C16orf86: variants seen among roughly 807,000 people sequenced by gnomAD.
C16orf86 encodes chromosome 16 open reading frame 86.
In C16orf86, 19 loss-of-function variants were observed where a neutral mutation model predicts 21.5. That is an observed-to-expected ratio of 0.88 (90% CI 0.62 to 1.30). The LOEUF is 1.30. Among genes scored for constraint, C16orf86 ranks in the 50% most tolerant of loss-of-function variants. The probability of loss-of-function intolerance (pLI) is 0.00; values close to 1 mark genes in which losing one functional copy is unlikely to be tolerated. For synonymous variants in C16orf86, 188 were observed against 183.5 expected (o/e 1.02, Z -0.20); for missense variants, 391 against 415.8 (o/e 0.94, Z 0.52).
At position 67,668,713 on chromosome 16, in the gene C16orf86, G is replaced by T; in HGVS notation, c.*113G>T. The T allele has an allele frequency of 1.2e-6, 1 of 802,198 alleles. No individual in the cohort carries two copies. 49.7% of individuals were successfully genotyped at this position (802,198 alleles called of 1,614,324 possible). On this transcript the variant is annotated 3_prime_UTR_variant, in exon 4 of 4. Transcript: ENST00000403458. ...GCAAATTTGGCACCTGCCCCCACTTGGGACTTTGGTCTTGCTGAAAATAAA... is the reference window on the plus strand; with the variant it reads ...GCAAATTTGGCACCTGCCCCCACTTTGGACTTTGGTCTTGCTGAAAATAAA...
intron 3 of C16orf86, 48 bp from the exon 4 acceptor site, chr16:67,668,152 T>A: frequency 6.3e-7 from 1 of 1,590,210 alleles, no homozygotes; most frequent in Non-Finnish European, 8.6e-7. Flanking sequence ...GGGCCCGACA[T>A]GGCACAACCT....
chr16:67,667,390 C>G lies in C16orf86; in HGVS notation c.197C>G (p.Ser66Trp). 6.2e-7 allele frequency: 1 copy of G among 1,612,620 alleles called. No homozygotes were observed. The highest frequency in any genetic ancestry group is 8.5e-7 in the Non-Finnish European group (1 of 1,179,844). The change falls in exon 2 of 4, where the codon TCG becomes TGG. Residue 66 changes from serine to tryptophan, a missense_variant. Ser to Trp is a radical substitution (Grantham distance 177, BLOSUM62 -3). Coordinates refer to ENST00000403458, the MANE Select transcript of C16orf86 (RefSeq NM_001012984.3). ...DQRPAGAASE[S>W]ELQEEGPKLG... ...CGCCCAGCAGGCGCAGCTTCGGAGT[C>G]GGAGCTCCAGGAGGAAGGACCCAAG...
chr16:67,666,932 C>T lies in C16orf86; in HGVS notation c.-39C>T. On this transcript the variant is annotated 5_prime_UTR_variant, in exon 1 of 4. Transcript: ENST00000403458. ...CACCATCCAGCCCCTTGGGGCCCGC[C>T]CCAAGCAGCTGTCGAGGACGCACTC... 1.5e-6 allele frequency: 2 copies of T among 1,362,446 alleles called. No individual in the cohort carries two copies. Among genetic ancestry groups the T allele is most frequent in the East Asian group, 2.7e-5 (1 of 36,938 alleles). The allele number at this position is 1,362,446 out of a possible 1,614,324, so 84.4% of individuals were successfully genotyped here.
At chr16:67,667,254 T>C (rs1221103145) in intron 1 of C16orf86, 42 bp from the exon 2 acceptor site, 2 of 1,585,422 alleles carry the variant, frequency 1.3e-6, no homozygotes, top group Admixed American at 1.7e-5. Flanking sequence ...CCTATGTCCT[T>C]TGCCCGGCCA....
Position 67,667,371 on chromosome 16 carries a change from G to A in C16orf86, c.178G>A (p.Ala60Thr), listed in dbSNP as rs1399162613. 1 of 1,612,666 alleles carries A rather than the reference G, an allele frequency of 6.2e-7. No homozygotes were observed. Among genetic ancestry groups the A allele is most frequent in the Admixed American group, 1.7e-5 (1 of 60,030 alleles). ...AACCCAGAGTGAAGACCAGCGCCCA[G>A]CAGGCGCAGCTTCGGAGTCGGAGCT... is the stretch of plus-strand genomic sequence containing the variant. ...RGTQSEDQRP[A>T]GAASESELQE... The change falls in exon 2 of 4, where the codon GCA becomes ACA. Residue 60 changes from alanine (A) to threonine (T), a missense_variant. Coordinates refer to ENST00000403458, the MANE Select transcript of C16orf86 (RefSeq NM_001012984.3).
In C16orf86 at chr16:67,668,340, G is replaced by A; in HGVS notation, c.694G>A (p.Glu232Lys). The A allele has an allele frequency of 1.9e-6, 3 of 1,612,844 alleles. No homozygotes were observed. The highest frequency in any genetic ancestry group is 2.5e-6 in the Non-Finnish European group (3 of 1,179,886). Residue 232 changes from glutamate to lysine, a missense_variant, in exon 4 of 4, where the codon GAG becomes AAG. Glu to Lys is a moderately conservative substitution (Grantham distance 56). Transcript: ENST00000403458. ...LAPVPEEGGV[E>K]QLQALLPLAG... ...CCCGGTTCCCGAGGAGGGAGGTGTG[G>A]AGCAACTGCAGGCCTTGCTGCCCTT...
chr16:67,667,930 C>T lies in C16orf86; in HGVS notation c.385C>T (p.Pro129Ser). 1 of 1,612,760 alleles carries T rather than the reference C, an allele frequency of 6.2e-7. No homozygotes were observed. The highest frequency in any genetic ancestry group is 8.5e-7 in the Non-Finnish European group (1 of 1,179,682). The part of the protein sequence containing the change: ...RAHLKAEAEL[P>S]PKLPLQEEEP... Reference sequence around the variant, plus strand: ...CCATCTTAAGGCTGAAGCTGAGCTGCCACCCAAGCTGCCGCTGCAGGAGGA... The same window carrying T: ...CCATCTTAAGGCTGAAGCTGAGCTGTCACCCAAGCTGCCGCTGCAGGAGGA... The change falls in exon 3 of 4, where the codon CCA becomes TCA. Residue 129 changes from proline to serine, a missense_variant. Pro to Ser is a moderately conservative substitution (Grantham distance 74). Coordinates refer to ENST00000403458, the MANE Select transcript of C16orf86 (RefSeq NM_001012984.3).
At position 67,667,725 on chromosome 16, in the gene C16orf86, A is replaced by T. The variant is rs2053123712; in HGVS notation, c.333-153A>T. ...TCAGGGCTTGTAGGGGCCTGGGCTC[A>T]CTGGCCTCTAAGCCTCTTGGGCCTG... On this transcript the variant is annotated intron_variant, in intron 2 of 3. Transcript: ENST00000403458. 8 of 1,520,868 alleles carry T rather than the reference A, an allele frequency of 5.3e-6. No individual in the cohort carries two copies. The South Asian group carries it at 6.1e-5, about 12-fold the overall frequency. 94.2% of individuals were successfully genotyped at this position (1,520,868 alleles called of 1,614,324 possible).
At position 67,667,390 on chromosome 16, in the gene C16orf86, C is replaced by T. The variant is rs373225201; in HGVS notation, c.197C>T (p.Ser66Leu). ...CGCCCAGCAGGCGCAGCTTCGGAGT[C>T]GGAGCTCCAGGAGGAAGGACCCAAG... The part of the protein sequence containing the change: ...DQRPAGAASE[S>L]ELQEEGPKLG... Residue 66 changes from serine (S) to leucine (L), a missense_variant, in exon 2 of 4, where the codon TCG becomes TTG. Coordinates refer to ENST00000403458, the MANE Select transcript of C16orf86 (RefSeq NM_001012984.3). The T allele has an allele frequency of 9.5e-5, 154 of 1,612,620 alleles. No individual in the cohort carries two copies. In the East Asian group the frequency reaches 1.8e-3, roughly 19 times the overall value.
In C16orf86 at chr16:67,666,942, T is replaced by C; in HGVS notation, c.-29T>C. On this transcript the variant is annotated 5_prime_UTR_variant, in exon 1 of 4. Coordinates refer to ENST00000403458, the MANE Select transcript of C16orf86 (RefSeq NM_001012984.3). The stretch of plus-strand genomic sequence containing the variant: ...CCCCTTGGGGCCCGCCCCAAGCAGC[T>C]GTCGAGGACGCACTCAGCCTGCGCA... 1.4e-6 allele frequency: 2 copies of C among 1,394,762 alleles called. No homozygotes were observed. The highest frequency in any genetic ancestry group is 1.5e-5 in the African/African-American group (1 of 67,932). The allele number at this position is 1,394,762 out of a possible 1,614,324, so 86.4% of individuals were successfully genotyped here.
intron 3 of C16orf86, 44 bp from the exon 4 acceptor site, chr16:67,668,156 A>G: frequency 1.3e-6 from 2 of 1,590,668 alleles, no homozygotes; most frequent in Non-Finnish European, 1.7e-6. Flanking sequence ...CCGACATGGC[A>G]CAACCTGGCG....
Position 67,668,608 on chromosome 16 carries a change from GC to G in C16orf86, c.*12del. On this transcript the variant is annotated 3_prime_UTR_variant, in exon 4 of 4. Transcript: ENST00000403458. ...TCTCCTCAGTACAAGTGACTGTCCC[GC>G]CCCACTGGTGGCTCCCCTCCTTCCA... 6.2e-7 allele frequency: 1 copy of G among 1,612,310 alleles called. No individual in the cohort carries two copies. Among genetic ancestry groups the G allele is most frequent in the Non-Finnish European group, 8.5e-7 (1 of 1,179,106 alleles).
intron 2 of C16orf86, 176 bp downstream of exon 2, chr16:67,667,701 C>T: frequency 6.5e-7 from 1 of 1,530,336 alleles, no homozygotes; most frequent in African/African-American, 1.4e-5. Flanking sequence ...GTGGGAGCTT[C>T]AGGGCTTGTA....
Position 67,667,704 on chromosome 16 carries a change from G to A in C16orf86, c.333-174G>A, listed in dbSNP as rs2053123171. ...AGCAGCAGGAGAGTGGGAGCTTCAGGGCTTGTAGGGGCCTGGGCTCACTGG... is the reference window on the plus strand; with the variant it reads ...AGCAGCAGGAGAGTGGGAGCTTCAGAGCTTGTAGGGGCCTGGGCTCACTGG... On this transcript the variant is annotated intron_variant, in intron 2 of 3. Coordinates refer to ENST00000403458, the MANE Select transcript of C16orf86 (RefSeq NM_001012984.3). The A allele has an allele frequency of 2.0e-6, 3 of 1,527,698 alleles. No individual in the cohort carries two copies. In the South Asian group the frequency reaches 3.6e-5, roughly 19 times the overall value. 94.6% of individuals were successfully genotyped at this position (1,527,698 alleles called of 1,614,324 possible).
Position 67,667,464 on chromosome 16 carries a change from G to A in C16orf86, c.271G>A (p.Gly91Ser), listed in dbSNP as rs2053119628. Residue 91 changes from glycine (G) to serine (S), a missense_variant, in exon 2 of 4, where the codon GGC becomes AGC. Transcript: ENST00000403458. ...GCATGCCGGGGCGCTAGAGGAGAGAGGCCCCAGGCCCGTGGTCTCCATTGT... is the reference window on the plus strand; with the variant it reads ...GCATGCCGGGGCGCTAGAGGAGAGAAGCCCCAGGCCCGTGGTCTCCATTGT... ...KPHAGALEER[G>S]PRPVVSIVRP... 1.2e-6 allele frequency: 2 copies of A among 1,610,726 alleles called. No homozygotes were observed. The highest frequency in any genetic ancestry group is 1.3e-5 in the African/African-American group (1 of 74,844).
At chr16:67,667,551 G>C (rs2053120987) in intron 2 of C16orf86, 26 bp downstream of exon 2, 1 of 1,578,358 alleles carries the variant, frequency 6.3e-7, no homozygotes, top group Non-Finnish European at 8.6e-7. Flanking sequence ...GGGGGAAGGA[G>C]CTGCAGCCCC....
Position 67,667,024 on chromosome 16 carries a change from G to A in C16orf86, c.54G>A (p.Val18=). 1 of 1,453,082 alleles carries A rather than the reference G, an allele frequency of 6.9e-7. No individual in the cohort carries two copies. Among genetic ancestry groups the A allele is most frequent in the East Asian group, 2.5e-5 (1 of 40,304 alleles). 90.0% of individuals were successfully genotyped at this position (1,453,082 alleles called of 1,614,324 possible). The stretch of plus-strand genomic sequence containing the variant: ...CGGGGGTCCAGGAGGCGACGGTCGT[G>A]GGGCAGGGACAGCTCACGGAGGAGC... The part of the protein sequence containing the change: ...RRPGVQEATV[V]GQGQLTEEPG... The change falls in exon 1 of 4, where the codon GTG becomes GTA. Residue 18 remains valine, a synonymous_variant. Coordinates refer to ENST00000403458, the MANE Select transcript of C16orf86 (RefSeq NM_001012984.3).
chr16:67,667,766 G>A, intron 2 of C16orf86, 112 bp from the exon 3 acceptor site: 1 of 1,516,684 alleles, frequency 6.6e-7, no homozygotes, highest in Non-Finnish European at 8.8e-7. Flanking sequence ...TCATTGACCA[G>A]GAACGGGACA....
Position 67,668,682 on chromosome 16 carries a change from G to C in C16orf86, c.*82G>C. ...TCCTGTGGGCCTAGGCCCTCTGGTGGCGGGGGCAAATTTGGCACCTGCCCC... is the reference window on the plus strand; with the variant it reads ...TCCTGTGGGCCTAGGCCCTCTGGTGCCGGGGGCAAATTTGGCACCTGCCCC... On this transcript the variant is annotated 3_prime_UTR_variant, in exon 4 of 4. Coordinates refer to ENST00000403458, the MANE Select transcript of C16orf86 (RefSeq NM_001012984.3). 7.4e-7 allele frequency: 1 copy of C among 1,355,098 alleles called. No individual in the cohort carries two copies. The highest frequency in any genetic ancestry group is 1.9e-4 in the Middle Eastern group (1 of 5,312). 83.9% of individuals were successfully genotyped at this position (1,355,098 alleles called of 1,614,324 possible). A position where few individuals can be genotyped will look rare whatever the true frequency, so the allele number is the denominator to read the frequency against.
Sources: gnomAD v4.1 joint callset for allele counts on GRCh38, gnomAD v4.1.1 for gene constraint, MANE v1.5 for transcripts, NCBI Gene and HGNC (gene_info 2026-07-23, HGNC 2026-07-21) for gene names.